The following ZHX3 variants were observed in gnomAD, a reference collection of about 807,000 sequenced individuals.
ZHX3 encodes zinc fingers and homeoboxes protein 3.
A neutral mutation model predicts 64.5 loss-of-function variants in ZHX3; 20 were observed. The ratio of observed to expected loss-of-function variants is 0.31; its 90% CI spans 0.22 to 0.45. ZHX3 has a LOEUF of 0.45. Ranked by LOEUF, ZHX3 falls within the 20% of genes least tolerant of loss-of-function variation. The probability of loss-of-function intolerance (pLI) is 1.00; values close to 1 mark genes in which losing one functional copy is unlikely to be tolerated. For synonymous variants in ZHX3, 423 were observed against 461.6 expected (o/e 0.92, Z 1.07); for missense variants, 1,041 against 1,195.8 (o/e 0.87, Z 1.91).
intron 2 of ZHX3, among the ~76,000 whole-genome samples, chr20:41,255,691 T>A (rs1299952808): frequency 6.6e-6 from 1 of 152,224 alleles, no homozygotes; most frequent in Non-Finnish European, 1.5e-5. Flanking sequence ...AAGAGGCTAC[T>A]AACACTGTGG....
intron 3 of ZHX3, chr20:41,197,208 T>C (rs1322629464): frequency 6.8e-6 from 1 of 147,926 alleles, no homozygotes; most frequent in Non-Finnish European, 1.5e-5. Flanking sequence ...TAACATGTTA[T>C]ACATATATTT....
At position 41,183,363 on chromosome 20, in the gene ZHX3, A is replaced by G. The variant is rs906716168; in HGVS notation, c.*1828T>C. The G allele has an allele frequency of 7.2e-5, 11 of 152,246 alleles. No homozygotes were observed. Among genetic ancestry groups the G allele is most frequent in the Non-Finnish European group, 8.8e-5 (6 of 68,054 alleles). The allele number at this position is 152,246 out of a possible 1,614,324, so 9.4% of individuals were successfully genotyped here. On this transcript the variant is annotated 3_prime_UTR_variant, in exon 4 of 4. Transcript: ENST00000683867. The surrounding 1 kb of genome is among the most constrained non-coding windows in gnomAD (Gnocchi z 5.3). ...ACAAAAATAGGCTGCAAAACTTGCC[A>G]AGTACTCACAAGTCCCTGTTTGAGA...
At chr20:41,278,929 C>T (rs951879405) in intron 1 of ZHX3, among the ~76,000 whole-genome samples, 14 of 151,920 alleles carry the variant, frequency 9.2e-5, no homozygotes, top group Admixed American at 3.9e-4. Flanking sequence ...CCCGCCACCA[C>T]GCCCGGCTAA....
rs371343347 is a variant in ZHX3 at position 41,204,193 on chromosome 20, C to A, written c.724G>T (p.Ala242Ser). The A allele has an allele frequency of 6.2e-7, 1 of 1,610,230 alleles. No homozygotes were observed. The highest frequency in any genetic ancestry group is 8.5e-7 in the Non-Finnish European group (1 of 1,178,024). Residue 242 changes from alanine (A) to serine (S), a missense_variant, in exon 3 of 4, where the codon GCA (alanine) becomes TCA (serine). Physicochemically the swap from Ala to Ser is moderately conservative, Grantham distance 99. This residue lies in a region of ZHX3 where 358 missense variants were observed against 369.1 expected (regional missense o/e 0.97). Coordinates refer to ENST00000683867, the MANE Select transcript of ZHX3 (RefSeq NM_001384317.1). This position sits in a 1 kb window ranked among gnomAD's most constrained non-coding sequence, Gnocchi z 6.6. Reference sequence around the variant, plus strand: ...GGGTTTTTTGCAGAGCTGGCAGATGCCTGGCTGACTGGAACTGCCCCATTG... The same window carrying A: ...GGGTTTTTTGCAGAGCTGGCAGATGACTGGCTGACTGGAACTGCCCCATTG... The part of the protein sequence containing the change: ...FINGAVPVSQ[A>S]SASSAKNPHA...
rs1406631873 is a variant in ZHX3, at chr20:41,282,428, G to T, written c.-244-13345C>A. Among the ~76,000 whole-genome samples the T allele has an allele frequency of 3.1e-5, 4 of 129,230 alleles. No homozygotes were observed. The East Asian group carries it at 1.1e-3, about 35-fold the overall frequency. 84.8% of individuals were successfully genotyped at this position (129,230 alleles called of 152,430 possible). A position where few individuals can be genotyped will look rare whatever the true frequency, so the allele number is the denominator to read the frequency against. ...GGCTGGAGAACAGCGGCGCTATCTT[G>T]GCTCACTGCAACATTCGCCTCCAGG... On this transcript the variant is annotated intron_variant, in intron 1 of 3. Transcript: ENST00000683867.
chr20:41,272,172 T>G (rs1225623115), intron 1 of ZHX3: 1 of 152,126 alleles, frequency 6.6e-6, no homozygotes, highest in African/African-American at 2.4e-5. Flanking sequence ...AAAGTAAAAC[T>G]ATATTCTTTA....
In ZHX3 at chr20:41,315,248, T is replaced by C. The variant is rs181478507; in HGVS notation, c.-245+2261A>G. ...CCCAGGCTGGAGTGCGGTGGTGTGA[T>C]CTTGGCTCAATGCAACCTCCGCATC... On this transcript the variant is annotated intron_variant, in intron 1 of 3. Transcript: ENST00000683867. 3.8e-3 allele frequency among the ~76,000 whole-genome samples: 581 copies of C among 151,828 alleles called. 12 individuals are homozygous for C. Among genetic ancestry groups the C allele is most frequent in the Admixed American group, 0.028 (434 of 15,256 alleles).
chr20:41,277,346 C>T (rs2043433373), intron 1 of ZHX3, among the ~76,000 whole-genome samples: 1 of 152,152 alleles, frequency 6.6e-6, no homozygotes, highest in African/African-American at 2.4e-5. Context: ...TAAAATGACA[C>T]AAACATTTTT....
chr20:41,308,683 T>C (rs1444306037), intron 1 of ZHX3, among the ~76,000 whole-genome samples: 1 of 152,210 alleles, frequency 6.6e-6, no homozygotes, highest in Admixed American at 6.5e-5. Context: ...AGCTATTCTT[T>C]TGCAGGATTC....
At chr20:41,230,194 T>C (rs760972709) in intron 2 of ZHX3, among the ~76,000 whole-genome samples, 102 of 147,158 alleles carry the variant, frequency 6.9e-4, no homozygotes, top group Non-Finnish European at 4.1e-4. Flanking sequence ...TATTCTTAGA[T>C]TTTTTTTTTT....
chr20:41,236,354 T>C (rs2040989227), intron 2 of ZHX3, among the ~76,000 whole-genome samples: 1 of 152,208 alleles, frequency 6.6e-6, no homozygotes, highest in Non-Finnish European at 1.5e-5. Context: ...GGCATCATGC[T>C]ACCTGACTTC....
At position 41,179,715 on chromosome 20, in the gene ZHX3, C is replaced by CA. The variant is rs2036176779; in HGVS notation, c.*5475dup. 1 of 151,948 alleles carries CA rather than the reference C, an allele frequency of 6.6e-6. No homozygotes were observed. The highest frequency in any genetic ancestry group is 1.5e-5 in the Non-Finnish European group (1 of 67,990). 9.4% of individuals were successfully genotyped at this position (151,948 alleles called of 1,614,324 possible). ...CACGATCTCAGCTCACTGCAACCTC[C>CA]ACCTCCCGGGTTCAAGTGATTCTCC... On this transcript the variant is annotated 3_prime_UTR_variant, in exon 4 of 4. Transcript: ENST00000683867. This position sits in a 1 kb window ranked among gnomAD's most constrained non-coding sequence, Gnocchi z 4.3.
At chr20:41,208,804 C>G (rs1272496301) in intron 2 of ZHX3, among the ~76,000 whole-genome samples, 1 of 152,204 alleles carries the variant, frequency 6.6e-6, no homozygotes, top group African/African-American at 2.4e-5. Flanking sequence ...CCCTCTCTCA[C>G]CACTCCTATT....
intron 1 of ZHX3, among the ~76,000 whole-genome samples, chr20:41,293,595 C>T (rs755248025): frequency 6.6e-6 from 1 of 152,132 alleles, no homozygotes; most frequent in African/African-American, 2.4e-5. Flanking sequence ...TGCTACAAAT[C>T]AGACCACTTC....
intron 2 of ZHX3, among the ~76,000 whole-genome samples, chr20:41,253,208 T>TTTA (rs1600514293): frequency 6.6e-6 from 1 of 151,486 alleles, no homozygotes; most frequent in East Asian, 2.0e-4. Context: ...AAAATAAGCT[T>TTTA]TTATTTTACC....
chr20:41,185,115 G>A lies in ZHX3; in HGVS notation c.*76C>T, dbSNP rs1358816737. The A allele has an allele frequency of 5.1e-6, 8 of 1,582,472 alleles. No homozygotes were observed. The highest frequency in any genetic ancestry group is 1.3e-5 in the African/African-American group (1 of 74,534). ...GGCATGGGAACGGCATGTGGCAGCA[G>A]AGAGTCGGGTTTGGCTCTTCCACGT... On this transcript the variant is annotated 3_prime_UTR_variant, in exon 4 of 4. Transcript: ENST00000683867. This position sits in a 1 kb window ranked among gnomAD's most constrained non-coding sequence, Gnocchi z 5.0.
chr20:41,244,502 A>C (rs1439388869), intron 2 of ZHX3, among the ~76,000 whole-genome samples: 1 of 152,170 alleles, frequency 6.6e-6, no homozygotes, highest in Admixed American at 6.5e-5. Flanking sequence ...AAGGCCCTGT[A>C]TCTGTTTTTT....
In ZHX3 at chr20:41,182,367, ACT is replaced by A; in HGVS notation, c.*2822_*2823del. 6.6e-6 allele frequency: 1 copy of A among 152,232 alleles called. No individual in the cohort carries two copies. Among genetic ancestry groups the A allele is most frequent in the East Asian group, 1.9e-4 (1 of 5,198 alleles). 9.4% of individuals were successfully genotyped at this position (152,232 alleles called of 1,614,324 possible). On this transcript the variant is annotated 3_prime_UTR_variant, in exon 4 of 4. Transcript: ENST00000683867. This position sits in a 1 kb window ranked among gnomAD's most constrained non-coding sequence, Gnocchi z 6.1. ...ACTCTGCAGCCCACAAATGCCTTCT[ACT>A]GAAGGCAACAACACAATTTAACCCT...
At chr20:41,276,505 A>G (rs1419041732) in intron 1 of ZHX3, among the ~76,000 whole-genome samples, 1 of 152,192 alleles carries the variant, frequency 6.6e-6, no homozygotes, top group Admixed American at 6.5e-5. Context: ...ATGTGGTAGT[A>G]GCTCTCTGGG....
Sources: allele counts gnomAD v4.1 joint callset (sites outside exome capture counted in the v4.1 genomes callset), GRCh38; gene constraint gnomAD v4.1.1; regional missense constraint gnomAD v4.1.1; non-coding constraint Gnocchi (gnomAD v3.1); transcripts MANE v1.5; gene names NCBI Gene and HGNC (gene_info 2026-07-23, HGNC 2026-07-21).